SAMSN1: variants seen among roughly 807,000 people sequenced by gnomAD.
The protein encoded by SAMSN1 is SAM domain, SH3 domain and nuclear localization signals 1.
In SAMSN1, 31 loss-of-function variants were observed where a neutral mutation model predicts 42.0. The ratio of observed to expected loss-of-function variants is 0.74; its 90% CI spans 0.55 to 1.00. The LOEUF is 1.00. Among genes scored for constraint, SAMSN1 ranks in the 50% least tolerant of loss-of-function variants. SAMSN1 has a pLI of 0.00. For synonymous variants in SAMSN1, 178 were observed against 151.9 expected (o/e 1.17, Z -1.26); for missense variants, 464 against 439.4 (o/e 1.06, Z -0.50).
rs148813000 is a variant in SAMSN1 at position 14,633,806 on chromosome 21, A to G, written c.156+9196T>C. ...GCTGCCTTTGGCTATGAAATAGAAC[A>G]AAACTAACTAGCCATGAGGGGATTA... On this transcript the variant is annotated intron_variant, in intron 2 of 15. Transcript: ENST00000647101. Among the ~76,000 whole-genome samples the G allele has an allele frequency of 3.3e-4, 51 of 152,318 alleles. No homozygotes were observed. In the South Asian group the frequency reaches 4.4e-3, roughly 13 times the overall value.
chr21:14,563,477 T>C (rs1981010594), intron 2 of SAMSN1, among the ~76,000 whole-genome samples: 1 of 152,216 alleles, frequency 6.6e-6, no homozygotes, highest in African/African-American at 2.4e-5. Flanking sequence ...TTTGGTATTT[T>C]TATGTAAAAT....
chr21:14,551,752 A>G (rs1006682079), intron 2 of SAMSN1, among the ~76,000 whole-genome samples: 2 of 152,032 alleles, frequency 1.3e-5, no homozygotes, highest in Non-Finnish European at 2.9e-5. Context: ...CTTTATAAAT[A>G]TTTTCAATAT....
chr21:14,527,665 C>T (rs924257781), intron 1 of SAMSN1, among the ~76,000 whole-genome samples: 1 of 151,180 alleles, frequency 6.6e-6, no homozygotes, highest in Non-Finnish European at 1.5e-5. Flanking sequence ...AATTTCCATG[C>T]TAAAGATTTG....
intron 2 of SAMSN1, among the ~76,000 whole-genome samples, chr21:14,560,688 T>C (rs1311900766): frequency 6.6e-5 from 10 of 152,184 alleles, no homozygotes; most frequent in African/African-American, 2.4e-4. Flanking sequence ...CATCTCTACT[T>C]CATGCTCCAC....
At chr21:14,568,054 C>T (rs1242045944) in intron 2 of SAMSN1, among the ~76,000 whole-genome samples, 1 of 152,076 alleles carries the variant, frequency 6.6e-6, no homozygotes, top group Non-Finnish European at 1.5e-5. Flanking sequence ...GAAATGATGT[C>T]CATTCTAGAA....
intron 3 of SAMSN1, among the ~76,000 whole-genome samples, chr21:14,615,656 A>G (rs1488894041): frequency 6.6e-6 from 1 of 152,198 alleles, no homozygotes; most frequent in Non-Finnish European, 1.5e-5. Flanking sequence ...AAAATACTTC[A>G]GAAGATTTAT....
intron 5 of SAMSN1, among the ~76,000 whole-genome samples, chr21:14,605,945 C>G (rs1982557452): frequency 6.6e-6 from 1 of 151,724 alleles, no homozygotes; most frequent in Non-Finnish European, 1.5e-5. Flanking sequence ...AGGTTCACGC[C>G]ATTCTCCTTC....
At chr21:14,560,476 T>C (rs1265253650) in intron 2 of SAMSN1, among the ~76,000 whole-genome samples, 3 of 152,186 alleles carry the variant, frequency 2.0e-5, no homozygotes, top group Non-Finnish European at 4.4e-5. Flanking sequence ...CTTCAAAACA[T>C]GTCTCTTTCT....
intron 1 of SAMSN1, among the ~76,000 whole-genome samples, chr21:14,658,531 G>GTAATAGTAA (rs1983951178): frequency 6.6e-6 from 1 of 151,888 alleles, no homozygotes; most frequent in African/African-American, 2.4e-5. Context: ...AATAGTAATT[G>GTAATAGTAA]TTGCAGAACT....
chr21:14,604,263 C>T (rs951196073), intron 5 of SAMSN1, among the ~76,000 whole-genome samples: 1 of 152,180 alleles, frequency 6.6e-6, no homozygotes, highest in Non-Finnish European at 1.5e-5. Context: ...ACAACCATGC[C>T]TCCCATTCCG....
chr21:14,504,119 G>T (rs561618486), intron 5 of SAMSN1, among the ~76,000 whole-genome samples: 164 of 152,248 alleles, frequency 1.1e-3, no homozygotes, highest in African/African-American at 3.8e-3. Context: ...TTCAGTCCTA[G>T]ACCTTCCCTC....
chr21:14,657,716 G>A (rs1305399598), intron 1 of SAMSN1, among the ~76,000 whole-genome samples: 5 of 151,632 alleles, frequency 3.3e-5, no homozygotes, highest in East Asian at 3.9e-4. Context: ...AGATTTATAC[G>A]GCACAAAGCA....
intron 1 of SAMSN1, among the ~76,000 whole-genome samples, chr21:14,534,641 A>G (rs1168561874): frequency 2.6e-5 from 4 of 151,606 alleles, no homozygotes; most frequent in Admixed American, 1.3e-4. Flanking sequence ...TCAGCCTCCC[A>G]AGTAGCTGGG....
chr21:14,632,494 AT>A (rs1225511430), intron 2 of SAMSN1, among the ~76,000 whole-genome samples: 1 of 152,158 alleles, frequency 6.6e-6, no homozygotes, highest in Non-Finnish European at 1.5e-5. Flanking sequence ...AATACAAATA[AT>A]TGCATTTGCA....
chr21:14,551,887 T>C (rs1980607619), intron 2 of SAMSN1, among the ~76,000 whole-genome samples: 1 of 152,054 alleles, frequency 6.6e-6, no homozygotes, highest in Admixed American at 6.6e-5. Flanking sequence ...ATCCAAAGCC[T>C]CAGCTCATAA....
chr21:14,538,417 G>T (rs920205943), intron 1 of SAMSN1, among the ~76,000 whole-genome samples: 1 of 152,074 alleles, frequency 6.6e-6, no homozygotes, highest in African/African-American at 2.4e-5. Context: ...CATCTACAGG[G>T]CTTTTTTCTT....
At chr21:14,648,213 C>T (rs1421630938) in intron 1 of SAMSN1, among the ~76,000 whole-genome samples, 1 of 152,110 alleles carries the variant, frequency 6.6e-6, no homozygotes, top group Non-Finnish European at 1.5e-5. Context: ...ACTGGCTAGC[C>T]ATATGTAGAA....
At chr21:14,536,359 A>G (rs1025931886) in intron 1 of SAMSN1, among the ~76,000 whole-genome samples, 1 of 152,260 alleles carries the variant, frequency 6.6e-6, no homozygotes, top group Non-Finnish European at 1.5e-5. Context: ...CTTGGTAGTC[A>G]AGGTAGTGAC....
intron 6 of SAMSN1, among the ~76,000 whole-genome samples, chr21:14,601,650 G>A (rs140213399): frequency 1.3e-5 from 2 of 152,204 alleles, no homozygotes; most frequent in East Asian, 1.9e-4. Flanking sequence ...AAACTCCTGG[G>A]CTAATTAATG....
Sources: gnomAD v4.1 joint callset for allele counts (sites outside exome capture counted in the v4.1 genomes callset) on GRCh38, gnomAD v4.1.1 for gene constraint, MANE v1.5 for transcripts, NCBI Gene and HGNC (gene_info 2026-07-23, HGNC 2026-07-21) for gene names.